The following IQCJ variants were observed in gnomAD, a reference collection of about 807,000 sequenced individuals.
IQCJ encodes the protein IQ motif containing J, also known as IQ domain-containing protein J.
Under a neutral mutation model 11.0 loss-of-function variants are expected in IQCJ, and 9 were observed. The observed-to-expected ratio is 0.82, with a 90% CI of 0.49 to 1.43. The LOEUF (loss-of-function observed/expected upper bound fraction) is 1.43, where lower values mean the gene tolerates loss of function less well. Ranked by LOEUF, IQCJ falls within the 40% of genes most tolerant of loss-of-function variation. The pLI is 0.00. For synonymous variants in IQCJ, 55 were observed against 51.3 expected (o/e 1.07, Z -0.31); for missense variants, 146 against 133.2 (o/e 1.10, Z -0.47).
intron 1 of IQCJ, among the ~76,000 whole-genome samples, chr3:159,168,956 G>A (rs551783034): frequency 3.6e-5 from 5 of 137,864 alleles, no homozygotes; most frequent in Non-Finnish European, 6.3e-5. Context: ...TCATTCTCAT[G>A]ACGATGAAGA....
chr3:159,214,530 C>A (rs2108100506), intron 1 of IQCJ, among the ~76,000 whole-genome samples: 1 of 152,290 alleles, frequency 6.6e-6, no homozygotes, highest in South Asian at 2.1e-4. Flanking sequence ...GGCTTTTCAC[C>A]TACATAGCAT....
chr3:159,246,723 A>G (rs1560041499), intron 2 of IQCJ, among the ~76,000 whole-genome samples: 1 of 152,220 alleles, frequency 6.6e-6, no homozygotes, highest in Non-Finnish European at 1.5e-5. Flanking sequence ...TGAAACTACT[A>G]CAAAGAGCTG....
intron 1 of IQCJ, among the ~76,000 whole-genome samples, chr3:159,102,505 AG>A (rs1051068243): frequency 6.6e-6 from 1 of 152,222 alleles, no homozygotes; most frequent in African/African-American, 2.4e-5. Context: ...TGATTGGGAA[AG>A]GTAGTAATTT....
At chr3:159,238,514 C>A (rs959555564) in intron 1 of IQCJ, among the ~76,000 whole-genome samples, 1 of 152,120 alleles carries the variant, frequency 6.6e-6, no homozygotes. Context: ...TATCAAGCAC[C>A]TCTTCAATAA....
At position 159,230,096 on chromosome 3, in the gene IQCJ, G is replaced by A. The variant is rs75240238; in HGVS notation, c.10-15747G>A. 0.01 allele frequency among the ~76,000 whole-genome samples: 1,517 copies of A among 151,318 alleles called. 152 individuals carry two copies. In the East Asian group the frequency reaches 0.25, roughly 25 times the overall value. ...TGTTTATTGTACCTATTTATGTCCA[G>A]GTATGCTTAATGTTTAGCTCCCACT... is the stretch of plus-strand genomic sequence containing the variant. On this transcript the variant is annotated intron_variant, in intron 1 of 3. Transcript: ENST00000397832.
chr3:159,222,806 T>A (rs1220607231), intron 1 of IQCJ, among the ~76,000 whole-genome samples: 1 of 151,078 alleles, frequency 6.6e-6, no homozygotes, highest in African/African-American at 2.5e-5. Context: ...GTTCATATTG[T>A]ACGCCTTAAT....
chr3:159,204,034 T>C (rs997810807), intron 1 of IQCJ, among the ~76,000 whole-genome samples: 5 of 152,134 alleles, frequency 3.3e-5, no homozygotes, highest in African/African-American at 1.2e-4. Flanking sequence ...CAGGCCCCAG[T>C]AGGCATAAGA....
chr3:159,129,146 T>C (rs1227137298), intron 1 of IQCJ, among the ~76,000 whole-genome samples: 1 of 152,200 alleles, frequency 6.6e-6, no homozygotes, highest in East Asian at 1.9e-4. Flanking sequence ...TCTGATGTAT[T>C]AATAATTATT....
chr3:159,222,486 A>G (rs1725608963), intron 1 of IQCJ, among the ~76,000 whole-genome samples: 1 of 152,150 alleles, frequency 6.6e-6, no homozygotes, highest in Non-Finnish European at 1.5e-5. Flanking sequence ...TGTATGTGGA[A>G]TTAAAAAGTC....
At chr3:159,093,100 T>G (rs868238931) in intron 1 of IQCJ, among the ~76,000 whole-genome samples, 4 of 151,914 alleles carry the variant, frequency 2.6e-5, no homozygotes, top group Non-Finnish European at 1.5e-5. Context: ...CCTCCATACC[T>G]TCTTAGCAAC....
intron 1 of IQCJ, among the ~76,000 whole-genome samples, chr3:159,113,289 G>T (rs1718747273): frequency 6.6e-6 from 1 of 152,222 alleles, no homozygotes; most frequent in African/African-American, 2.4e-5. Context: ...TCTGACTTAA[G>T]TGAGATAATT....
intron 1 of IQCJ, among the ~76,000 whole-genome samples, chr3:159,141,027 G>C (rs1720571393): frequency 6.6e-6 from 1 of 152,202 alleles, no homozygotes; most frequent in Admixed American, 6.5e-5. Context: ...TGGTTAAACA[G>C]TGAAAGAGTA....
At chr3:159,152,909 G>A (rs1314145605) in intron 1 of IQCJ, among the ~76,000 whole-genome samples, 1 of 151,904 alleles carries the variant, frequency 6.6e-6, no homozygotes, top group South Asian at 2.1e-4. Context: ...AAGGTAGTAC[G>A]CCATAAGTGA....
At position 159,220,483 on chromosome 3, in the gene IQCJ, G is replaced by T. The variant is rs372834380; in HGVS notation, c.10-25360G>T. On this transcript the variant is annotated intron_variant, in intron 1 of 3. Coordinates refer to ENST00000397832, the MANE Select transcript of IQCJ (RefSeq NM_001042706.3). Reference sequence around the variant, plus strand: ...CAAGTCAACAAGAAGAGCCTCAGAAGAAACCGGTCCTGTACCTGTGCTTTA... The same window carrying T: ...CAAGTCAACAAGAAGAGCCTCAGAATAAACCGGTCCTGTACCTGTGCTTTA... Among the ~76,000 whole-genome samples the T allele has an allele frequency of 1.5e-4, 23 of 152,250 alleles. 1 individual carries two copies. Among genetic ancestry groups the T allele is most frequent in the Admixed American group, 1.4e-3 (21 of 15,298 alleles).
intron 1 of IQCJ, among the ~76,000 whole-genome samples, chr3:159,072,671 C>A (rs572357449): frequency 1.3e-5 from 2 of 152,076 alleles, no homozygotes; most frequent in South Asian, 4.2e-4. Context: ...TTACTATGGG[C>A]CAGCTATGGG....
intron 1 of IQCJ, among the ~76,000 whole-genome samples, chr3:159,144,191 T>G (rs1158770849): frequency 6.6e-6 from 1 of 152,144 alleles, no homozygotes; most frequent in East Asian, 1.9e-4. Flanking sequence ...AAAGGGAAAT[T>G]GATGTTCTGA....
chr3:159,105,529 A>G (rs1345509903), intron 1 of IQCJ, among the ~76,000 whole-genome samples: 1 of 152,152 alleles, frequency 6.6e-6, no homozygotes, highest in Non-Finnish European at 1.5e-5. Flanking sequence ...GACAAGGAGT[A>G]AGTAAAGGTA....
At chr3:159,187,840 C>T (rs570302703) in intron 1 of IQCJ, among the ~76,000 whole-genome samples, 8 of 152,140 alleles carry the variant, frequency 5.3e-5, no homozygotes, top group Non-Finnish European at 1.0e-4. Context: ...GCTTTTCCTC[C>T]CTAAGGCTTC....
intron 1 of IQCJ, among the ~76,000 whole-genome samples, chr3:159,094,803 A>T (rs901835446): frequency 4.0e-5 from 6 of 151,888 alleles, no homozygotes; most frequent in African/African-American, 1.5e-4. Flanking sequence ...AATGAATGGT[A>T]TTTTAGAGGC....
Sources: gnomAD v4.1 joint callset for allele counts (sites outside exome capture counted in the v4.1 genomes callset) on GRCh38, gnomAD v4.1.1 for gene constraint, MANE v1.5 for transcripts, NCBI Gene and HGNC (gene_info 2026-07-23, HGNC 2026-07-21) for gene names.